Variants in TSHZ2 observed in about 807,000 individuals in gnomAD.
The protein encoded by TSHZ2 is teashirt zinc finger homeobox 2, also known as teashirt homolog 2.
Under a neutral mutation model 74.4 loss-of-function variants are expected in TSHZ2, and 21 were observed. That is an observed-to-expected ratio of 0.28 (90% CI 0.20 to 0.41). The LOEUF (loss-of-function observed/expected upper bound fraction) is 0.41. TSHZ2 is among the 10% of genes least tolerant of loss of function. The pLI, the probability that TSHZ2 is intolerant of heterozygous loss-of-function variation, is 1.00. For synonymous variants in TSHZ2, 540 were observed against 515.3 expected, an observed-to-expected ratio of 1.05 and a Z score of -0.65; for missense variants, 1,244 against 1,293.5, an observed-to-expected ratio of 0.96 and a Z score of 0.59.
intron 1 of TSHZ2, among the ~76,000 whole-genome samples, chr20:53,230,012 AG>A (rs1305972481): frequency 3.1e-5 from 4 of 127,632 alleles, no homozygotes; most frequent in African/African-American, 1.2e-4. Context: ...AAAGAGAGGA[AG>A]GGAAAAAAGA....
chr20:53,239,359 G>C (rs773986176), intron 1 of TSHZ2, among the ~76,000 whole-genome samples: 1 of 152,178 alleles, frequency 6.6e-6, no homozygotes. Context: ...GGATTCTGGA[G>C]TTCTGGCTAT....
At chr20:53,100,745 A>G (rs879023740) in intron 1 of TSHZ2, among the ~76,000 whole-genome samples, 1 of 152,092 alleles carries the variant, frequency 6.6e-6, no homozygotes, top group Admixed American at 6.6e-5. Context: ...ATCACATTCC[A>G]CTGCCTTTTA....
intron 2 of TSHZ2, among the ~76,000 whole-genome samples, chr20:53,338,403 T>C (rs973405520): frequency 1.3e-5 from 2 of 152,160 alleles, no homozygotes; most frequent in Admixed American, 1.3e-4. Context: ...TCCTCCCTAC[T>C]AGAAAAAGTA....
intron 1 of TSHZ2, among the ~76,000 whole-genome samples, chr20:53,107,258 A>G (rs73142254): frequency 0.07 from 10,734 of 152,278 alleles, 447 homozygotes; most frequent in Non-Finnish European, 0.1. Flanking sequence ...CTCTGGAGCT[A>G]TCCTGAGCTT....
In TSHZ2 at chr20:53,024,377, C is replaced by T. The variant is rs74928394; in HGVS notation, c.40+51044C>T. ...CTTTATTTTGTGCCTTGGAACCAGGCATACGTGATAACAGGATACATAAAA... is the reference window on the plus strand; with the variant it reads ...CTTTATTTTGTGCCTTGGAACCAGGTATACGTGATAACAGGATACATAAAA... On this transcript the variant is annotated intron_variant, in intron 1 of 2. Transcript: ENST00000371497. Among the ~76,000 whole-genome samples the T allele has an allele frequency of 1.8e-3, 272 of 151,134 alleles. 1 individual carries two copies. The highest frequency in any genetic ancestry group is 6.6e-3 in the African/African-American group (270 of 41,130).
chr20:53,053,542 C>A (rs1326806094), intron 1 of TSHZ2, among the ~76,000 whole-genome samples: 1 of 150,280 alleles, frequency 6.7e-6, no homozygotes, highest in Admixed American at 6.7e-5. Context: ...AAACTGCTTC[C>A]ATTTGTCTTA....
chr20:53,084,625 TCCTCCCTCCCTC>T (rs1164845134), intron 1 of TSHZ2, among the ~76,000 whole-genome samples: 4 of 143,426 alleles, frequency 2.8e-5, no homozygotes, highest in Admixed American at 7.0e-5. Flanking sequence ...CAACCAAACT[TCCTCCCTCCCTC>T]CCTCCCTCTC....
At chr20:53,181,337 A>G (rs62208268) in intron 1 of TSHZ2, among the ~76,000 whole-genome samples, 1 of 152,178 alleles carries the variant, frequency 6.6e-6, no homozygotes, top group Admixed American at 6.5e-5. Flanking sequence ...CAGCTCCAAG[A>G]AGAGTGTCTG....
intron 1 of TSHZ2, among the ~76,000 whole-genome samples, chr20:52,976,771 A>G (rs1031804151): frequency 1.3e-5 from 2 of 152,190 alleles, no homozygotes; most frequent in Non-Finnish European, 1.5e-5. Context: ...TTGTGAGCAC[A>G]TCTTGTGAAT....
rs143491119 is a variant in TSHZ2, at chr20:53,022,827, A to G, written c.40+49494A>G. The stretch of plus-strand genomic sequence containing the variant: ...TAGGAGTTCCTTTGTGTGAACCTAA[A>G]GGATTGATTGAGATGATAAAATATC... On this transcript the variant is annotated intron_variant, in intron 1 of 2. Transcript: ENST00000371497. Among the ~76,000 whole-genome samples the G allele has an allele frequency of 1.1e-4, 17 of 152,340 alleles. No individual in the cohort carries two copies. In the East Asian group the frequency reaches 3.3e-3, roughly 29 times the overall value.
chr20:53,157,858 G>A (rs371190695), intron 1 of TSHZ2, among the ~76,000 whole-genome samples: 13 of 152,006 alleles, frequency 8.6e-5, no homozygotes, highest in East Asian at 3.9e-4. Flanking sequence ...TTTGGGGGTC[G>A]CAATAAAGAG....
chr20:52,973,404 G>A (rs1354993041), intron 1 of TSHZ2, 71 bp downstream of exon 1: 1 of 1,537,760 alleles, frequency 6.5e-7, no homozygotes, highest in Non-Finnish European at 8.8e-7. Flanking sequence ...TTGCCCCTGG[G>A]TGCCCGGGGG....
intron 2 of TSHZ2, among the ~76,000 whole-genome samples, chr20:53,469,839 AGGGAGGGAG>A: frequency 9.9e-6 from 1 of 101,240 alleles, no homozygotes; most frequent in African/African-American, 3.6e-5. Context: ...AGAGGGAGGA[AGGGAGGGAG>A]GGAGGAAGGA....
At chr20:53,054,240 T>A (rs1003899666) in intron 1 of TSHZ2, among the ~76,000 whole-genome samples, 4 of 152,184 alleles carry the variant, frequency 2.6e-5, no homozygotes, top group Non-Finnish European at 5.9e-5. Flanking sequence ...AAAGAGAAAC[T>A]TGTCATTTGT....
intron 2 of TSHZ2, among the ~76,000 whole-genome samples, chr20:53,298,233 T>C (rs982541542): frequency 6.6e-6 from 1 of 152,246 alleles, no homozygotes; most frequent in Admixed American, 6.5e-5. Context: ...ATTGTAACTA[T>C]GATATGTTCT....
intron 2 of TSHZ2, among the ~76,000 whole-genome samples, chr20:53,484,583 G>A (rs993074580): frequency 2.0e-5 from 3 of 151,548 alleles, no homozygotes; most frequent in Non-Finnish European, 4.4e-5. Flanking sequence ...ACAGAGTTTC[G>A]CCATGCTTAC....
chr20:53,393,224 A>G (rs1982326103), intron 2 of TSHZ2, among the ~76,000 whole-genome samples: 1 of 152,178 alleles, frequency 6.6e-6, no homozygotes, highest in African/African-American at 2.4e-5. Context: ...ATGTGTACTC[A>G]ATGTTCAGCT....
intron 2 of TSHZ2, among the ~76,000 whole-genome samples, chr20:53,466,381 G>T (rs766389270): frequency 1.3e-5 from 2 of 151,942 alleles, no homozygotes; most frequent in East Asian, 3.9e-4. Flanking sequence ...CAGCAGTAAA[G>T]TCCCCTAGCT....
chr20:53,085,078 A>T (rs1985655418), intron 1 of TSHZ2, among the ~76,000 whole-genome samples: 1 of 152,054 alleles, frequency 6.6e-6, no homozygotes, highest in African/African-American at 2.4e-5. Flanking sequence ...AGAAAAATAG[A>T]TGCTGGGTGT....
Sources: allele counts gnomAD v4.1 joint callset (sites outside exome capture counted in the v4.1 genomes callset), GRCh38; gene constraint gnomAD v4.1.1; transcripts MANE v1.5; gene names NCBI Gene and HGNC (gene_info 2026-07-23, HGNC 2026-07-21).